CHST11: variants seen among roughly 807,000 people sequenced by gnomAD.
CHST11 encodes C4S-1.
A neutral mutation model predicts 30.4 loss-of-function variants in CHST11; 9 were observed. The observed-to-expected ratio is 0.30, with a 90% confidence interval of 0.18 to 0.52. The LOEUF is 0.52. Among genes scored for constraint, CHST11 ranks in the 20% least tolerant of loss-of-function variants. The pLI is 0.97. For missense variants in CHST11, 348 were observed against 460.6 expected (o/e 0.76, Z 2.24); for synonymous variants, 152 against 187.8 (o/e 0.81, Z 1.56).
intron 2 of CHST11, among the ~76,000 whole-genome samples, chr12:104,755,780 T>C (rs1008063842): frequency 2.0e-5 from 3 of 151,146 alleles, no homozygotes; most frequent in Non-Finnish European, 4.4e-5. Context: ...AGTAAGACTC[T>C]GGAAAAAAAA....
intron 2 of CHST11, among the ~76,000 whole-genome samples, chr12:104,653,694 C>T (rs992502229): frequency 6.6e-5 from 10 of 152,186 alleles, no homozygotes; most frequent in Admixed American, 3.3e-4. Context: ...CTTATGTGAT[C>T]TCATTCAATC....
chr12:104,698,314 A>T (rs2039964175), intron 2 of CHST11, among the ~76,000 whole-genome samples: 2 of 152,136 alleles, frequency 1.3e-5, no homozygotes, highest in Admixed American at 1.3e-4. Context: ...CAAGCACTTG[A>T]TGACAATGTT....
rs565996614 is a variant in CHST11 at position 104,606,148 on chromosome 12, TTCTGGGGAACTC to T, written c.204+4165_204+4176del. Among the ~76,000 whole-genome samples the T allele has an allele frequency of 5.6e-4, 64 of 114,232 alleles. No homozygotes were observed. The East Asian group carries it at 0.019, about 35-fold the overall frequency. The allele number at this position is 114,232 out of a possible 152,430, so 74.9% of individuals were successfully genotyped here. On this transcript the variant is annotated intron_variant, in intron 2 of 2. Coordinates refer to ENST00000303694, the MANE Select transcript of CHST11 (RefSeq NM_018413.6). ...ACAGTGTCCAAGGGATTTAGAGGAA[TTCTGGGGAACTC>T]TCTGGGGCGGGGGGCGGGGGGGGGA...
intron 2 of CHST11, among the ~76,000 whole-genome samples, chr12:104,733,346 T>G (rs567572865): frequency 1.1e-4 from 17 of 152,348 alleles, no homozygotes; most frequent in African/African-American, 4.1e-4. Context: ...GGGACATTTA[T>G]AAGGCCTTTG....
At chr12:104,752,505 CTTAT>C (rs56136898) in intron 2 of CHST11, among the ~76,000 whole-genome samples, 96,303 of 149,370 alleles carry the variant, frequency 0.64, 31,601 homozygotes, top group Middle Eastern at 0.7. Flanking sequence ...AATTTATTTA[CTTAT>C]TTATTTATTT....
chr12:104,581,418 C>G (rs1023456615), intron 1 of CHST11, among the ~76,000 whole-genome samples: 2 of 152,312 alleles, frequency 1.3e-5, no homozygotes, highest in Admixed American at 1.3e-4. Context: ...TGGGAGAAAG[C>G]TTGATAATTG....
At chr12:104,546,560 G>A (rs1248912759) in intron 1 of CHST11, among the ~76,000 whole-genome samples, 1 of 152,030 alleles carries the variant, frequency 6.6e-6, no homozygotes, top group Non-Finnish European at 1.5e-5. Context: ...TATTTAGAAA[G>A]CTCTGGGTTT....
chr12:104,509,731 A>G (rs1217867879), intron 1 of CHST11, among the ~76,000 whole-genome samples: 1 of 152,240 alleles, frequency 6.6e-6, no homozygotes, highest in African/African-American at 2.4e-5. Flanking sequence ...ATGGATAGGC[A>G]TATGCTAGCA....
chr12:104,702,036 A>T (rs1298874313), intron 2 of CHST11, among the ~76,000 whole-genome samples: 1 of 152,110 alleles, frequency 6.6e-6, no homozygotes, highest in Non-Finnish European at 1.5e-5. Flanking sequence ...TGCCAAGATC[A>T]CCTTGGGTTC....
intron 1 of CHST11, among the ~76,000 whole-genome samples, chr12:104,503,241 A>G (rs1402804944): frequency 6.6e-6 from 1 of 152,192 alleles, no homozygotes; most frequent in Non-Finnish European, 1.5e-5. Context: ...CAAGTCATTA[A>G]CAGGTAATGT....
chr12:104,474,449 A>G (rs7136717), intron 1 of CHST11, among the ~76,000 whole-genome samples: 9,809 of 152,230 alleles, frequency 0.064, 787 homozygotes, highest in African/African-American at 0.18. Flanking sequence ...GGAGGGGAGC[A>G]GCTCAGGGCT....
At chr12:104,529,551 G>A (rs897215820) in intron 1 of CHST11, among the ~76,000 whole-genome samples, 27 of 152,286 alleles carry the variant, frequency 1.8e-4, no homozygotes, top group Admixed American at 5.9e-4. Context: ...CAGGGTAGAC[G>A]GCCTAGGACT....
chr12:104,750,428 C>CCT (rs1420945578), intron 2 of CHST11, among the ~76,000 whole-genome samples: 14 of 48,828 alleles, frequency 2.9e-4, no homozygotes, highest in Admixed American at 9.6e-4. Context: ...TATTTCTGCA[C>CCT]TTTTTTTTTT....
intron 2 of CHST11, among the ~76,000 whole-genome samples, chr12:104,685,640 T>A (rs1474124192): frequency 6.6e-6 from 1 of 152,214 alleles, no homozygotes; most frequent in Non-Finnish European, 1.5e-5. Context: ...ATATGTTTAA[T>A]GTATGTGGGG....
intron 2 of CHST11, among the ~76,000 whole-genome samples, chr12:104,627,823 G>C (rs2039231456): frequency 6.6e-6 from 1 of 152,186 alleles, no homozygotes. Context: ...GACAGAATTA[G>C]CAGGTGGTGG....
chr12:104,679,648 G>A (rs565740319), intron 2 of CHST11, among the ~76,000 whole-genome samples: 10 of 152,244 alleles, frequency 6.6e-5, no homozygotes, highest in South Asian at 2.1e-4. Context: ...TACTGGGGCC[G>A]CCGAGCCCCA....
intron 2 of CHST11, among the ~76,000 whole-genome samples, chr12:104,752,568 C>T (rs1467929120): frequency 1.3e-5 from 2 of 152,056 alleles, no homozygotes; most frequent in Non-Finnish European, 2.9e-5. Context: ...CACTCTGTCG[C>T]CCAGGCTGGA....
intron 2 of CHST11, among the ~76,000 whole-genome samples, chr12:104,668,823 C>T (rs921172510): frequency 1.3e-5 from 2 of 152,154 alleles, no homozygotes; most frequent in African/African-American, 2.4e-5. Context: ...TCTTTGGAAC[C>T]AATACAGTTG....
intron 1 of CHST11, among the ~76,000 whole-genome samples, chr12:104,532,614 T>C (rs959354238): frequency 2.0e-5 from 3 of 152,152 alleles, no homozygotes; most frequent in Admixed American, 6.5e-5. Flanking sequence ...CTCAAATTTT[T>C]ACACATCCAT....
Sources: allele counts gnomAD v4.1 joint callset (sites outside exome capture counted in the v4.1 genomes callset), GRCh38; gene constraint gnomAD v4.1.1; transcripts MANE v1.5; gene names NCBI Gene and HGNC (gene_info 2026-07-23, HGNC 2026-07-21).